Variants in ZNG1A observed in about 807,000 individuals in gnomAD.
The protein encoded by ZNG1A is zinc-regulated GTPase metalloprotein activator 1A.
At chr9:128,349 A>T in the ZNG1A span, among the ~76,000 whole-genome samples, 151 of 150,610 alleles carry the variant, frequency 1.0e-3, no homozygotes, top group African/African-American at 3.5e-3. Context: ...ATAATTCCAG[A>T]TTTCTTGAAG....
At chr9:175,794 A>T in the ZNG1A span, 1 of 739,846 alleles carries the variant, frequency 1.4e-6, no homozygotes, top group South Asian at 2.0e-5. Context: ...CCTATAAAAC[A>T]TATTTTTTGT....
chr9:146,635 T>G, the ZNG1A span: 1 of 154,120 alleles, frequency 6.5e-6, no homozygotes, highest in Non-Finnish European at 1.4e-5. Flanking sequence ...GACCCTGATC[T>G]TCACGTGATT....
chr9:139,173 G>C, the ZNG1A span, among the ~76,000 whole-genome samples: 7 of 149,768 alleles, frequency 4.7e-5, no homozygotes, highest in Admixed American at 1.3e-4. Context: ...GTAGAAAATG[G>C]AATATTATTC....
chr9:135,200 G>T, the ZNG1A span, among the ~76,000 whole-genome samples: 4 of 150,516 alleles, frequency 2.7e-5, no homozygotes, highest in Non-Finnish European at 4.4e-5. Context: ...AAAGCTGGCA[G>T]ATTAAGTTTT....
At chr9:125,461 A>T in the ZNG1A span, among the ~76,000 whole-genome samples, 5 of 146,582 alleles carry the variant, frequency 3.4e-5, no homozygotes, top group African/African-American at 7.6e-5. Context: ...GTTCTTTTTC[A>T]GATGTATATA....
chr9:138,097 C>T, the ZNG1A span, among the ~76,000 whole-genome samples: 93 of 151,752 alleles, frequency 6.1e-4, no homozygotes, highest in African/African-American at 2.1e-3. Flanking sequence ...CCAAACTTTC[C>T]TGTCTTCCTA....
chr9:156,197 A>G, the ZNG1A span, among the ~76,000 whole-genome samples: 2 of 147,444 alleles, frequency 1.4e-5, no homozygotes, highest in East Asian at 2.0e-4. Context: ...AAGAAATTGT[A>G]TAACAAGAAA....
At chr9:142,803 T>G in the ZNG1A span, among the ~76,000 whole-genome samples, 1 of 135,172 alleles carries the variant, frequency 7.4e-6, no homozygotes, top group Admixed American at 7.7e-5. Flanking sequence ...CTAGCAAGAC[T>G]AATAAAGAAA....
chr9:161,150 T>C, the ZNG1A span, among the ~76,000 whole-genome samples: 1 of 152,096 alleles, frequency 6.6e-6, no homozygotes, highest in Non-Finnish European at 1.5e-5. Flanking sequence ...AGCAAAGATT[T>C]GGGGAAAAAA....
chr9:129,482 T>C, the ZNG1A span, among the ~76,000 whole-genome samples: 1 of 149,844 alleles, frequency 6.7e-6, no homozygotes, highest in Non-Finnish European at 1.5e-5. Flanking sequence ...CCAAATATTA[T>C]GTATCCTTAA....
chr9:143,496 C>T, the ZNG1A span, among the ~76,000 whole-genome samples: 3 of 109,366 alleles, frequency 2.7e-5, no homozygotes, highest in East Asian at 8.6e-4. Flanking sequence ...ATTCAACAAC[C>T]CTTCATGCTA....
chr9:166,934 T>C, the ZNG1A span: 21 of 152,034 alleles, frequency 1.4e-4, no homozygotes, highest in African/African-American at 5.1e-4. Flanking sequence ...TCTAATAATT[T>C]GACCAAAAAA....
At chr9:157,395 A>G in the ZNG1A span, among the ~76,000 whole-genome samples, 1 of 133,662 alleles carries the variant, frequency 7.5e-6, no homozygotes, top group Non-Finnish European at 1.6e-5. Context: ...TCAAACCTCA[A>G]TAGAGGTTCC....
chr9:140,184 C>G, the ZNG1A span, among the ~76,000 whole-genome samples: 1 of 151,674 alleles, frequency 6.6e-6, no homozygotes, highest in East Asian at 1.9e-4. Context: ...GCCTGCCTGC[C>G]TCTGTAGGCT....
the ZNG1A span, among the ~76,000 whole-genome samples, chr9:158,109 A>G: frequency 6.8e-6 from 1 of 146,282 alleles, no homozygotes; most frequent in Admixed American, 6.8e-5. Flanking sequence ...TTTTTTTCAT[A>G]ATTCATCTTG....
At chr9:160,252 A>C in the ZNG1A span, 2 of 450,016 alleles carry the variant, frequency 4.4e-6, no homozygotes, top group African/African-American at 4.0e-5. Context: ...GCCACAGGGT[A>C]CCATTTCTCA....
the ZNG1A span, among the ~76,000 whole-genome samples, chr9:157,824 G>A: frequency 3.5e-4 from 53 of 150,410 alleles, no homozygotes; most frequent in East Asian, 9.4e-3. Flanking sequence ...ATCATTAGGG[G>A]TATCTGAATA....
chr9:163,295 C>G, the ZNG1A span, among the ~76,000 whole-genome samples: 1 of 151,456 alleles, frequency 6.6e-6, no homozygotes, highest in East Asian at 1.9e-4. Context: ...TAATTCTTAT[C>G]TTCAAGAGAA....
At chr9:138,552 AC>A in the ZNG1A span, among the ~76,000 whole-genome samples, 3 of 147,186 alleles carry the variant, frequency 2.0e-5, no homozygotes, top group Non-Finnish European at 4.5e-5. Flanking sequence ...AAAAAAAAAA[AC>A]TAGTTGAAAG....
Sources: gnomAD v4.1 joint callset for allele counts (sites outside exome capture counted in the v4.1 genomes callset) on GRCh38, gnomAD v4.1.1 for gene constraint, MANE v1.5 for transcripts, NCBI Gene and HGNC (gene_info 2026-07-23, HGNC 2026-07-21) for gene names.